Variants in BCAR3 observed in about 807,000 individuals in gnomAD.
BCAR3 encodes the protein breast cancer anti-estrogen resistance protein 3.
BCAR3 carries 37 observed loss-of-function variants against 80.1 expected under a neutral mutation model. The ratio of observed to expected loss-of-function variants is 0.46; its 90% CI spans 0.36 to 0.61. The LOEUF is 0.61. Among genes scored for constraint, BCAR3 ranks in the 20% least tolerant of loss-of-function variants. The pLI is 0.00. For missense variants in BCAR3, 978 were observed against 1,068.2 expected, an observed-to-expected ratio of 0.92 and a Z score of 1.18; for synonymous variants, 389 against 418.9, an observed-to-expected ratio of 0.93 and a Z score of 0.87.
intron 2 of BCAR3, among the ~76,000 whole-genome samples, chr1:93,660,183 ATGT>A (rs970957471): frequency 4.6e-5 from 7 of 152,140 alleles, no homozygotes; most frequent in Non-Finnish European, 7.4e-5. Flanking sequence ...CAAGAGAGAA[ATGT>A]TGTTCTTGGA....
intron 2 of BCAR3, among the ~76,000 whole-genome samples, chr1:93,806,286 G>T (rs1470752161): frequency 6.6e-6 from 1 of 152,196 alleles, no homozygotes; most frequent in Non-Finnish European, 1.5e-5. Flanking sequence ...GAGACTCAAA[G>T]AGAGGCCAGA....
Position 93,692,639 on chromosome 1 carries a change from C to G in BCAR3, c.-12+13453G>C, listed in dbSNP as rs573775889. ...ATGAAAGCACAAAAAGGCAGAGTAA[C>G]CAGCCAAGTTCACAGAGCTGGGATG... On this transcript the variant is annotated intron_variant, in intron 3 of 13. Coordinates refer to the BCAR3 transcript ENST00000370244. Among the ~76,000 whole-genome samples the G allele has an allele frequency of 7.2e-5, 11 of 152,308 alleles. No individual in the cohort carries two copies. The South Asian group carries it at 2.3e-3, about 32-fold the overall frequency.
chr1:93,770,925 C>T (rs769145713), intron 2 of BCAR3, among the ~76,000 whole-genome samples: 18 of 152,226 alleles, frequency 1.2e-4, no homozygotes, highest in African/African-American at 3.4e-4. Flanking sequence ...AACCCAGTCC[C>T]GGCTCTCAGT....
At chr1:93,735,063 T>C (rs1254822494) in intron 2 of BCAR3, among the ~76,000 whole-genome samples, 1 of 152,242 alleles carries the variant, frequency 6.6e-6, no homozygotes, top group East Asian at 1.9e-4. Flanking sequence ...CCTATCTTGC[T>C]CACTGTGGTG....
At chr1:93,656,546 T>A (rs980631089) in intron 2 of BCAR3, among the ~76,000 whole-genome samples, 15 of 150,400 alleles carry the variant, frequency 1.0e-4, no homozygotes, top group East Asian at 2.0e-4. Flanking sequence ...TTTATCTTTT[T>A]AAAAAAAAAT....
At chr1:93,720,862 A>T (rs1650369661) in intron 2 of BCAR3, among the ~76,000 whole-genome samples, 1 of 151,980 alleles carries the variant, frequency 6.6e-6, no homozygotes, top group Non-Finnish European at 1.5e-5. Context: ...AAGAATGAAG[A>T]AGCTGCCGGA....
chr1:93,669,264 C>T (rs1222602044), intron 2 of BCAR3, among the ~76,000 whole-genome samples: 2 of 152,158 alleles, frequency 1.3e-5, no homozygotes, highest in African/African-American at 2.4e-5. Context: ...AGAGGAATAA[C>T]TAAAACCATT....
At chr1:93,643,026 G>A (rs370829733) in intron 2 of BCAR3, among the ~76,000 whole-genome samples, 2 of 152,024 alleles carry the variant, frequency 1.3e-5, no homozygotes, top group Admixed American at 6.6e-5. Flanking sequence ...TGGGGAGTTC[G>A]AGACCAGCCC....
intron 2 of BCAR3, among the ~76,000 whole-genome samples, chr1:93,721,238 A>G (rs1258300205): frequency 6.6e-6 from 1 of 152,180 alleles, no homozygotes; most frequent in African/African-American, 2.4e-5. Context: ...CATGCCCTGC[A>G]GACTGGAGCC....
At chr1:93,741,061 G>A (rs1651158553) in intron 2 of BCAR3, among the ~76,000 whole-genome samples, 1 of 152,190 alleles carries the variant, frequency 6.6e-6, no homozygotes, top group Non-Finnish European at 1.5e-5. Flanking sequence ...CTGACATCAA[G>A]TGACCAGTGC....
chr1:93,754,010 T>C (rs1651664110), intron 2 of BCAR3: 1 of 152,206 alleles, frequency 6.6e-6, no homozygotes, highest in Non-Finnish European at 1.5e-5. Flanking sequence ...GAACTGCTCA[T>C]CATTCGTCTT....
chr1:93,671,119 A>C (rs1410520599), intron 2 of BCAR3, among the ~76,000 whole-genome samples: 1 of 152,044 alleles, frequency 6.6e-6, no homozygotes, highest in Non-Finnish European at 1.5e-5. Flanking sequence ...CAGTCTCCTA[A>C]GTAGCTGGGA....
chr1:93,752,892 G>A (rs559372491), intron 2 of BCAR3: 1 of 152,346 alleles, frequency 6.6e-6, no homozygotes, highest in Non-Finnish European at 1.5e-5. Context: ...AGATTTGTTT[G>A]TTGTTTGTTT....
At chr1:93,608,428 C>T (rs1214101549) in intron 3 of BCAR3, among the ~76,000 whole-genome samples, 1 of 152,230 alleles carries the variant, frequency 6.6e-6, no homozygotes, top group Non-Finnish European at 1.5e-5. Context: ...TTAAACCCAG[C>T]AACAGGCCTG....
At chr1:93,756,865 C>T (rs527856132) in intron 2 of BCAR3, among the ~76,000 whole-genome samples, 1 of 152,334 alleles carries the variant, frequency 6.6e-6, no homozygotes, top group East Asian at 1.9e-4. Flanking sequence ...CCTATGGCTG[C>T]TGTGCCAAGT....
chr1:93,592,321 G>A lies in BCAR3; in HGVS notation c.430C>T (p.Leu144=). 1 of 1,611,594 alleles carries A rather than the reference G, an allele frequency of 6.2e-7. No homozygotes were observed. Among genetic ancestry groups the A allele is most frequent in the Non-Finnish European group, 8.5e-7 (1 of 1,179,928 alleles). The change falls in exon 4 of 12, where the codon CTG becomes TTG. Residue 144 remains leucine (L), a synonymous_variant. Transcript: ENST00000260502. The surrounding 1 kb of genome is among the most constrained non-coding windows in gnomAD (Gnocchi z 4.8). ...TGGCTGCGCAGGTCCTCGCTGCTCA[G>A]GAGCAGCTCCTCCTCCAGCTCCTTC... The part of the protein sequence containing the change: ...LKKELEEELL[L]SSEDLRSHAW...
Position 93,701,611 on chromosome 1 carries a change from C to T in BCAR3, c.-12+4481G>A, listed in dbSNP as rs148352425. Among the ~76,000 whole-genome samples the T allele has an allele frequency of 4.7e-4, 71 of 152,330 alleles. 2 individuals carry two copies. The East Asian group carries it at 0.011, about 23-fold the overall frequency. On this transcript the variant is annotated intron_variant, in intron 3 of 13. Coordinates refer to the BCAR3 transcript ENST00000370244. ...AAGAGACACTGCACAGACCAACCACCGTGTGTGATGAGGGGCTGGGCAGGC... is the reference window on the plus strand; with the variant it reads ...AAGAGACACTGCACAGACCAACCACTGTGTGTGATGAGGGGCTGGGCAGGC...
chr1:93,568,051 T>C (rs1673031968), intron 9 of BCAR3, 200 bp from the exon 10 acceptor site: 1 of 472,122 alleles, frequency 2.1e-6, no homozygotes, highest in Middle Eastern at 6.0e-4. Context: ...CCAGGCGTGG[T>C]GGCGTGTGCC....
At chr1:93,679,689 A>G (rs1416049191) in intron 1 of BCAR3, among the ~76,000 whole-genome samples, 1 of 152,206 alleles carries the variant, frequency 6.6e-6, no homozygotes, top group East Asian at 1.9e-4. Context: ...ACTTTACCAC[A>G]TGTGCTGCCT....
Sources: gnomAD v4.1 joint callset for allele counts (sites outside exome capture counted in the v4.1 genomes callset) on GRCh38, gnomAD v4.1.1 for gene constraint, Gnocchi (gnomAD v3.1) non-coding constraint, MANE v1.5 for transcripts, NCBI Gene and HGNC (gene_info 2026-07-23, HGNC 2026-07-21) for gene names.